Variants in ACOT8 observed in about 807,000 individuals in gnomAD.
ACOT8 encodes acyl-coenzyme A thioesterase 8.
ACOT8 carries 31 observed loss-of-function variants against 38.4 expected under a neutral mutation model. The ratio of observed to expected loss-of-function variants is 0.81; its 90% CI spans 0.61 to 1.09. The LOEUF (loss-of-function observed/expected upper bound fraction) is 1.09. Among genes scored for constraint, ACOT8 ranks in the 50% least tolerant of loss-of-function variants. The pLI, the probability that ACOT8 is intolerant of heterozygous loss-of-function variation, is 0.00. For missense variants in ACOT8, 373 were observed against 421.8 expected (o/e 0.88, Z 1.01); for synonymous variants, 158 against 170.3 (o/e 0.93, Z 0.56).
intron 1 of ACOT8, among the ~76,000 whole-genome samples, chr20:45,856,801 G>A (rs1985475806): frequency 6.6e-6 from 1 of 152,252 alleles, no homozygotes; most frequent in African/African-American, 2.4e-5. Context: ...ACTGGGGGCG[G>A]GATATTGTGA....
chr20:45,846,121 T>C (rs1216353906), intron 3 of ACOT8, among the ~76,000 whole-genome samples: 2 of 152,226 alleles, frequency 1.3e-5, no homozygotes, highest in African/African-American at 4.8e-5. Context: ...ATTACAGGCA[T>C]GAACCACTGC....
At chr20:45,851,589 T>C (rs1260763404) in intron 2 of ACOT8, among the ~76,000 whole-genome samples, 1 of 152,156 alleles carries the variant, frequency 6.6e-6, no homozygotes, top group African/African-American at 2.4e-5. Flanking sequence ...CCTGACAGCA[T>C]TGGACAGGAG....
At chr20:45,845,827 G>GA (rs1297311966) in intron 3 of ACOT8, among the ~76,000 whole-genome samples, 2 of 146,236 alleles carry the variant, frequency 1.4e-5, no homozygotes, top group Non-Finnish European at 3.0e-5. Flanking sequence ...ACTGACTTTG[G>GA]TTTTTTTTTG....
At chr20:45,845,587 G>C (rs189511867) in intron 3 of ACOT8, among the ~76,000 whole-genome samples, 9 of 152,306 alleles carry the variant, frequency 5.9e-5, no homozygotes, top group South Asian at 2.1e-4. Flanking sequence ...ATCCCCCCAG[G>C]GGGAGGAGCC....
At chr20:45,850,259 G>A (rs1369391596) in intron 2 of ACOT8, among the ~76,000 whole-genome samples, 1 of 152,114 alleles carries the variant, frequency 6.6e-6, no homozygotes, top group Admixed American at 6.6e-5. Context: ...AAAAAAGAGT[G>A]GGACATCCTA....
intron 2 of ACOT8, among the ~76,000 whole-genome samples, chr20:45,852,159 C>T (rs570545640): frequency 6.6e-6 from 1 of 151,730 alleles, no homozygotes; most frequent in Non-Finnish European, 1.5e-5. Flanking sequence ...AAGGTCACCA[C>T]GCCCAGCTAA....
At chr20:45,855,072 T>A (rs1038430815) in intron 2 of ACOT8, 87 bp downstream of exon 2, 59 of 1,554,770 alleles carry the variant, frequency 3.8e-5, no homozygotes, top group Non-Finnish European at 5.0e-5. Context: ...CCAGTCTCCC[T>A]CTCTTCCCTT....
At chr20:45,851,848 C>T (rs1387342370) in intron 2 of ACOT8, among the ~76,000 whole-genome samples, 1 of 152,174 alleles carries the variant, frequency 6.6e-6, no homozygotes, top group Non-Finnish European at 1.5e-5. Flanking sequence ...TAGAGAAAAA[C>T]TAAAAACAAA....
chr20:45,856,412 G>A (rs1213593688), intron 1 of ACOT8, among the ~76,000 whole-genome samples: 1 of 152,146 alleles, frequency 6.6e-6, no homozygotes, highest in East Asian at 1.9e-4. Context: ...GGGGCTGGGC[G>A]CGGTGGCTCA....
intron 3 of ACOT8, chr20:45,847,864 C>A (rs1984786307): frequency 1.3e-5 from 2 of 151,228 alleles, no homozygotes; most frequent in South Asian, 2.1e-4. Flanking sequence ...GCAGCCTCCA[C>A]CTCCCAGGCT....
intron 2 of ACOT8, among the ~76,000 whole-genome samples, chr20:45,850,590 C>A (rs1965800156): frequency 6.6e-6 from 1 of 152,208 alleles, no homozygotes; most frequent in Non-Finnish European, 1.5e-5. Context: ...TCAGTCACTT[C>A]ACCCCTGATG....
intron 3 of ACOT8, among the ~76,000 whole-genome samples, chr20:45,846,373 T>A (rs961511011): frequency 6.6e-6 from 1 of 152,078 alleles, no homozygotes; most frequent in South Asian, 2.1e-4. Context: ...TTCTCTCTTA[T>A]TTAATCCTCA....
chr20:45,852,913 C>A (rs1985155238), intron 2 of ACOT8, among the ~76,000 whole-genome samples: 1 of 152,106 alleles, frequency 6.6e-6, no homozygotes, highest in South Asian at 2.1e-4. Flanking sequence ...GGACTACAGG[C>A]ACATGCCGCC....
intron 1 of ACOT8, 49 bp downstream of exon 1, chr20:45,857,139 C>T (rs904492521): frequency 6.3e-7 from 1 of 1,577,730 alleles, no homozygotes; most frequent in Non-Finnish European, 8.6e-7. Context: ...CAGTCAAGAT[C>T]AAGTTTCTGC....
Position 45,857,245 on chromosome 20 carries a change from C to T in ACOT8, c.71G>A (p.Arg24His), listed in dbSNP as rs1328118585. 4 of 1,613,744 alleles carry T rather than the reference C, an allele frequency of 2.5e-6. No homozygotes were observed. The East Asian group carries it at 6.7e-5, about 27-fold the overall frequency. The change falls in exon 1 of 6, where the codon CGT becomes CAT. Residue 24 changes from arginine (R) to histidine (H), a missense_variant. Arg to His is a conservative substitution (Grantham distance 29). Coordinates refer to ENST00000217455, the MANE Select transcript of ACOT8 (RefSeq NM_005469.4). ...GDRGDPPGDL[R>H]SVLVTTVLNL... Reference sequence around the variant, plus strand: ...GAGCACGGTCGTGACCAAGACGCTACGGAGGTCCCCAGGGGGATCGCCGCG... The same window carrying T: ...GAGCACGGTCGTGACCAAGACGCTATGGAGGTCCCCAGGGGGATCGCCGCG...
chr20:45,852,128 G>A (rs566231329), intron 2 of ACOT8, among the ~76,000 whole-genome samples: 6 of 151,692 alleles, frequency 4.0e-5, no homozygotes, highest in South Asian at 2.1e-4. Flanking sequence ...TCAGCCTCCC[G>A]AGTAGCTGGG....
chr20:45,851,339 C>T (rs1452539236), intron 2 of ACOT8, among the ~76,000 whole-genome samples: 6 of 152,184 alleles, frequency 3.9e-5, no homozygotes, highest in African/African-American at 1.4e-4. Flanking sequence ...GGAATGAAGT[C>T]TTCCTCCCTA....
intron 1 of ACOT8, among the ~76,000 whole-genome samples, chr20:45,856,940 G>A (rs998859971): frequency 6.6e-5 from 10 of 152,236 alleles, no homozygotes; most frequent in African/African-American, 2.4e-4. Flanking sequence ...AGGGCAGGCT[G>A]CCGAGCAGGG....
At chr20:45,843,364 T>C (rs1225022825) in intron 5 of ACOT8, 163 bp downstream of exon 5, 2 of 945,142 alleles carry the variant, frequency 2.1e-6, no homozygotes, top group South Asian at 1.4e-5. Context: ...TGTCCCGGCC[T>C]CACCCTCTCA....
Sources: allele counts gnomAD v4.1 joint callset (sites outside exome capture counted in the v4.1 genomes callset), GRCh38; gene constraint gnomAD v4.1.1; transcripts MANE v1.5; gene names NCBI Gene and HGNC (gene_info 2026-07-23, HGNC 2026-07-21).